The following MAP4K1 variants were observed in gnomAD, a reference collection of about 807,000 sequenced individuals.
MAP4K1 encodes mitogen-activated protein kinase kinase kinase kinase 1.
A neutral mutation model predicts 122.8 loss-of-function variants in MAP4K1; 35 were observed. The ratio of observed to expected loss-of-function variants is 0.29; its 90% CI spans 0.22 to 0.38. The LOEUF (loss-of-function observed/expected upper bound fraction) is 0.38, where lower values mean the gene tolerates loss of function less well. Among genes scored for constraint, MAP4K1 ranks in the 10% least tolerant of loss-of-function variants. The pLI is 1.00. For missense variants in MAP4K1, 791 were observed against 1,072.6 expected, an observed-to-expected ratio of 0.74 and a Z score of 3.67; for synonymous variants, 412 against 421.3, an observed-to-expected ratio of 0.98 and a Z score of 0.27.
At chr19:38,589,716 G>T (rs1470252870) in intron 30 of MAP4K1, among the ~76,000 whole-genome samples, 1 of 152,044 alleles carries the variant, frequency 6.6e-6, no homozygotes, top group Non-Finnish European at 1.5e-5. Flanking sequence ...CGCCCGACCG[G>T]TGGGATACTT....
intron 19 of MAP4K1, among the ~76,000 whole-genome samples, chr19:38,602,898 A>G (rs1975152931): frequency 1.3e-5 from 2 of 149,438 alleles, no homozygotes; most frequent in South Asian, 2.1e-4. Context: ...ACACATGTAC[A>G]TATATACACA....
Position 38,603,098 on chromosome 19 carries a change from A to G in MAP4K1, c.1447-1573T>C, listed in dbSNP as rs1044235474. On this transcript the variant is annotated intron_variant, in intron 19 of 30. Transcript: ENST00000396857. ...CATATATACACATGTACATATATACACATGTACATATATACACATGTACAT... is the reference window on the plus strand; with the variant it reads ...CATATATACACATGTACATATATACGCATGTACATATATACACATGTACAT... 6.1e-4 allele frequency among the ~76,000 whole-genome samples: 84 copies of G among 137,236 alleles called. 4 individuals are homozygous for G. Among genetic ancestry groups the G allele is most frequent in the African/African-American group, 1.8e-3 (67 of 37,832 alleles). The allele number at this position is 137,236 out of a possible 152,430, so 90.0% of individuals were successfully genotyped here.
Position 38,595,969 on chromosome 19 carries a change from C to G in MAP4K1, c.2149G>C (p.Glu717Gln), listed in dbSNP as rs1974862456. 1.2e-6 allele frequency: 2 copies of G among 1,614,054 alleles called. No individual in the cohort carries two copies. Among genetic ancestry groups the G allele is most frequent in the Non-Finnish European group, 1.7e-6 (2 of 1,179,996 alleles). Reference protein sequence around the residue: ...HRGPVQVTQVEEDMVMVLMDG... With the variant: ...HRGPVQVTQVQEDMVMVLMDG... Reference sequence around the variant, plus strand: ...ATCAACACCATCACCATATCTTCCTCTACCTGGGTCACCTGCACGGGTCCC... The same window carrying G: ...ATCAACACCATCACCATATCTTCCTGTACCTGGGTCACCTGCACGGGTCCC... The change falls in exon 27 of 31, where the codon GAG (glutamate) becomes CAG (glutamine). Residue 717 changes from glutamate (E) to glutamine (Q), a missense_variant. By Grantham distance (29) the Glu-to-Gln change is conservative. Around this residue, in one of 4 missense-constraint regions of MAP4K1, gnomAD observed 267 missense variants for 323.0 expected, o/e 0.83. Coordinates refer to ENST00000396857, the MANE Select transcript of MAP4K1 (RefSeq NM_001042600.3).
chr19:38,608,992 CAAAT>C (rs542052061), intron 13 of MAP4K1, among the ~76,000 whole-genome samples: 235 of 151,826 alleles, frequency 1.5e-3, no homozygotes, highest in African/African-American at 4.7e-3. Flanking sequence ...AAAAAATAAA[CAAAT>C]AAATAAGTTT....
intron 19 of MAP4K1, among the ~76,000 whole-genome samples, chr19:38,602,651 T>TACATATATAC (rs1975119927): frequency 7.4e-6 from 1 of 135,500 alleles, no homozygotes; most frequent in Non-Finnish European, 1.5e-5. Context: ...TATACATATA[T>TACATATATAC]ACATATATAC....
chr19:38,608,054 C>T (rs376908851), intron 14 of MAP4K1, 21 bp from the exon 15 acceptor site: 3 of 1,581,440 alleles, frequency 1.9e-6, no homozygotes, highest in African/African-American at 2.7e-5. Flanking sequence ...GGAAAAGGGT[C>T]AGCAGTGGCC....
chr19:38,602,731 T>C (rs991749058), intron 19 of MAP4K1, among the ~76,000 whole-genome samples: 1 of 149,154 alleles, frequency 6.7e-6, no homozygotes, highest in African/African-American at 2.5e-5. Flanking sequence ...CACATATACA[T>C]GTATACATAT....
In MAP4K1 at chr19:38,597,100, A is replaced by C; in HGVS notation, c.1875T>G (p.Gly625=). The C allele has an allele frequency of 6.2e-7, 1 of 1,614,088 alleles. No individual in the cohort carries two copies. The highest frequency in any genetic ancestry group is 8.5e-7 in the Non-Finnish European group (1 of 1,180,010). ...GASSGGPFLC[G]ALETSVVLLQ... Reference sequence around the variant, plus strand: ...GCAGGACAACGGACGTCTCCAATGCACCGCACAGGAACGGGCCCCCAGAGC... The same window carrying C: ...GCAGGACAACGGACGTCTCCAATGCCCCGCACAGGAACGGGCCCCCAGAGC... Residue 625 remains glycine, a synonymous_variant, in exon 25 of 31, where the codon GGT becomes GGG. Coordinates refer to ENST00000396857, the MANE Select transcript of MAP4K1 (RefSeq NM_001042600.3). This position sits in a 1 kb window ranked among gnomAD's most constrained non-coding sequence, Gnocchi z 4.6.
intron 10 of MAP4K1, 37 bp from the exon 11 acceptor site, chr19:38,611,169 C>A: frequency 6.2e-7 from 1 of 1,603,570 alleles, no homozygotes; most frequent in Non-Finnish European, 8.5e-7. Context: ...ATGAGGGGAC[C>A]AGAAACCCTC....
Position 38,611,096 on chromosome 19 carries a change from C to T in MAP4K1, c.765G>A (p.Leu255=). The T allele has an allele frequency of 6.2e-7, 1 of 1,613,420 alleles. No homozygotes were observed. The highest frequency in any genetic ancestry group is 8.5e-7 in the Non-Finnish European group (1 of 1,179,812). The change falls in exon 11 of 31, where the codon CTG becomes CTA. Residue 255 remains leucine (L), a synonymous_variant. Transcript: ENST00000396857. The part of the protein sequence containing the change: ...AAFHNFIKVT[L]TKSPKKRPSA... ...TGGGTCGTTTCTTGGGACTCTTAGTCAGAGTGACTTTGATGAAGTTGTGGA... is the reference window on the plus strand; with the variant it reads ...TGGGTCGTTTCTTGGGACTCTTAGTTAGAGTGACTTTGATGAAGTTGTGGA...
At position 38,605,481 on chromosome 19, in the gene MAP4K1, G is replaced by A; in HGVS notation, c.1374C>T (p.Leu458=). The A allele has an allele frequency of 1.3e-6, 2 of 1,591,806 alleles. No homozygotes were observed. Among genetic ancestry groups the A allele is most frequent in the East Asian group, 2.3e-5 (1 of 44,280 alleles). ...CAAGCTCCCGGGAGGGTGGGTTCCA[G>A]AGTGAGGGTTCTGAGAGGGGTTAGG... ...PHLTAHSEPS[L]WNPPSRELDK... Residue 458 remains leucine, a synonymous_variant, in exon 19 of 31, where the codon CTC becomes CTT. Transcript: ENST00000396857.
chr19:38,599,190 A>G (rs1446087319), intron 22 of MAP4K1, among the ~76,000 whole-genome samples: 3 of 137,252 alleles, frequency 2.2e-5, no homozygotes, highest in Admixed American at 7.3e-5. Context: ...AAAAAAAGTA[A>G]AAAAAAAAAA....
chr19:38,602,853 T>C (rs372608472), intron 19 of MAP4K1, among the ~76,000 whole-genome samples: 2 of 147,528 alleles, frequency 1.4e-5, no homozygotes, highest in Non-Finnish European at 1.5e-5. Flanking sequence ...TATATACACA[T>C]ATACATATAT....
rs544438841 is a variant in MAP4K1, at chr19:38,603,358, A to C, written c.1447-1833T>G. Among the ~76,000 whole-genome samples, 40 of 144,554 alleles carry C rather than the reference A, an allele frequency of 2.8e-4. 1 individual carries two copies. In the South Asian group the frequency reaches 8.8e-3, roughly 32 times the overall value. 94.8% of individuals were successfully genotyped at this position (144,554 alleles called of 152,430 possible). A position where few individuals can be genotyped will look rare whatever the true frequency, so the allele number is the denominator to read the frequency against. Reference sequence around the variant, plus strand: ...CATATACATATATACACATATACATATATACACACATATACATATATACAC... The same window carrying C: ...CATATACATATATACACATATACATCTATACACACATATACATATATACAC... On this transcript the variant is annotated intron_variant, in intron 19 of 30. Coordinates refer to ENST00000396857, the MANE Select transcript of MAP4K1 (RefSeq NM_001042600.3).
chr19:38,595,513 A>T lies in MAP4K1; in HGVS notation c.2312T>A (p.Val771Glu). 1 of 1,613,966 alleles carries T rather than the reference A, an allele frequency of 6.2e-7. No homozygotes were observed. Among genetic ancestry groups the T allele is most frequent in the Non-Finnish European group, 8.5e-7 (1 of 1,180,008 alleles). Residue 771 changes from valine (V) to glutamate (E), a missense_variant, in exon 29 of 31, where the codon GTG (valine) becomes GAG (glutamate). Physicochemically the swap from Val to Glu is moderately radical, Grantham distance 121. Transcript: ENST00000396857. Reference protein sequence around the residue: ...GQLQAFWKHGVQVWALGSDQL... With the variant: ...GQLQAFWKHGEQVWALGSDQL... ...ATCCGAGCCTAGAGCCCACACCTGC[A>T]CTCCATGCTTCCAGAAGGCCTGAAG...
At chr19:38,588,686 A>G (rs1373832962) in intron 30 of MAP4K1, among the ~76,000 whole-genome samples, 1 of 151,076 alleles carries the variant, frequency 6.6e-6, no homozygotes, top group Non-Finnish European at 1.5e-5. Flanking sequence ...TGGGAGCCAG[A>G]GCTTGCAGTG....
rs1213948344 is a variant in MAP4K1, at chr19:38,600,172, A to T, written c.1532-19T>A. ...TGCTGGTCTGGAGGCACAGACAAGG[A>T]CGCTGGGACCGACTTCATCCTCAGG... is the stretch of plus-strand genomic sequence containing the variant. On this transcript the variant is annotated intron_variant, in intron 20 of 30. Coordinates refer to ENST00000396857, the MANE Select transcript of MAP4K1 (RefSeq NM_001042600.3). The T allele has an allele frequency of 3.1e-6, 5 of 1,611,494 alleles. No individual in the cohort carries two copies. Among genetic ancestry groups the T allele is most frequent in the Non-Finnish European group, 4.2e-6 (5 of 1,177,908 alleles).
chr19:38,611,933 T>C (rs1975510115), intron 9 of MAP4K1, among the ~76,000 whole-genome samples: 1 of 151,994 alleles, frequency 6.6e-6, no homozygotes, highest in Non-Finnish European at 1.5e-5. Context: ...ACCCCGTCTC[T>C]ACCAAAACAT....
rs747524504 is a variant in MAP4K1, at chr19:38,616,216, A to C, written c.292T>G (p.Ser98Ala). ...WICMEFCGAG[S>A]LQDIYQVTGS... ...TAACCTTGGTAGATGTCCTGGAGAG[A>C]ACCAGCCCCACAGAATTCCATGCAG... Residue 98 changes from serine (S) to alanine (A), a missense_variant, in exon 4 of 31, where the codon TCT (serine) becomes GCT (alanine). Around this residue, in one of 4 missense-constraint regions of MAP4K1, gnomAD observed 163 missense variants for 286.1 expected, o/e 0.57. Transcript: ENST00000396857. The C allele has an allele frequency of 1.7e-5, 27 of 1,613,506 alleles. No individual in the cohort carries two copies. Among genetic ancestry groups the C allele is most frequent in the Non-Finnish European group, 2.3e-5 (27 of 1,179,878 alleles).
Sources: allele counts gnomAD v4.1 joint callset (sites outside exome capture counted in the v4.1 genomes callset), GRCh38; gene constraint gnomAD v4.1.1; regional missense constraint gnomAD v4.1.1; non-coding constraint Gnocchi (gnomAD v3.1); transcripts MANE v1.5; gene names NCBI Gene and HGNC (gene_info 2026-07-23, HGNC 2026-07-21).